The following ZNF264 variants were observed in gnomAD, a reference collection of about 807,000 sequenced individuals.
The protein encoded by ZNF264 is zinc finger protein 264.
Under a neutral mutation model 11.2 loss-of-function variants are expected in ZNF264, and 11 were observed. The ratio of observed to expected loss-of-function variants is 0.98; its 90% CI spans 0.62 to 1.63. ZNF264 has a LOEUF of 1.63. Among genes scored for constraint, ZNF264 ranks in the 40% most tolerant of loss-of-function variants. The pLI is 0.00. For missense variants in ZNF264, 752 were observed against 768.1 expected, an observed-to-expected ratio of 0.98 and a Z score of 0.25; for synonymous variants, 309 against 279.8, an observed-to-expected ratio of 1.10 and a Z score of -1.04.
rs191621757 is a variant in ZNF264, at chr19:57,202,340, G to T, written c.161-3057G>T. Among the ~76,000 whole-genome samples, 82 of 152,078 alleles carry T rather than the reference G, an allele frequency of 5.4e-4. 3 individuals are homozygous for T. The highest frequency in any genetic ancestry group is 1.9e-3 in the African/African-American group (79 of 41,334). ...CGTGAAAGAAGAGGGCATATGCTGG[G>T]CCTCATGGGGATACAGCTGGAAGCA... On this transcript the variant is annotated intron_variant, in intron 2 of 3. Coordinates refer to ENST00000263095, the MANE Select transcript of ZNF264 (RefSeq NM_003417.5).
rs200425447 is a variant in ZNF264, at chr19:57,212,548, A to T, written c.1451A>T (p.Glu484Val). ...FSIHTGEKPYECVECGKAFTR... is the reference protein window; with the variant it reads ...FSIHTGEKPYVCVECGKAFTR... Reference sequence around the variant, plus strand: ...ATCCACACTGGAGAGAAGCCCTATGAGTGCGTGGAGTGTGGAAAGGCCTTC... The same window carrying T: ...ATCCACACTGGAGAGAAGCCCTATGTGTGCGTGGAGTGTGGAAAGGCCTTC... The change falls in exon 4 of 4, where the codon GAG becomes GTG. Residue 484 changes from glutamate (E) to valine (V), a missense_variant. Coordinates refer to ENST00000263095, the MANE Select transcript of ZNF264 (RefSeq NM_003417.5). 3.5e-5 allele frequency: 57 copies of T among 1,613,980 alleles called. No homozygotes were observed. The highest frequency in any genetic ancestry group is 4.7e-5 in the Non-Finnish European group (56 of 1,180,008).
chr19:57,194,482 C>G (rs576169413), intron 2 of ZNF264, among the ~76,000 whole-genome samples: 1 of 152,154 alleles, frequency 6.6e-6, no homozygotes, highest in African/African-American at 2.4e-5. Context: ...GTAGTAATAA[C>G]TCATGATTAC....
chr19:57,209,157 G>A (rs1309669030), intron 3 of ZNF264, among the ~76,000 whole-genome samples: 2 of 151,862 alleles, frequency 1.3e-5, no homozygotes, highest in Non-Finnish European at 2.9e-5. Flanking sequence ...TCTCCAAAAG[G>A]TCTTAATTTA....
intron 2 of ZNF264, among the ~76,000 whole-genome samples, chr19:57,199,248 A>G (rs1004236598): frequency 1.3e-5 from 2 of 151,920 alleles, no homozygotes; most frequent in South Asian, 2.1e-4. Context: ...TGAAATTCCA[A>G]CTGCTGGATC....
intron 2 of ZNF264, among the ~76,000 whole-genome samples, chr19:57,199,637 C>T (rs1489129122): frequency 6.6e-6 from 1 of 151,894 alleles, no homozygotes; most frequent in Admixed American, 6.5e-5. Flanking sequence ...TTATCCCACA[C>T]CCTTAATATC....
chr19:57,195,120 A>G (rs1272506008), intron 2 of ZNF264, among the ~76,000 whole-genome samples: 2 of 152,164 alleles, frequency 1.3e-5, no homozygotes, highest in African/African-American at 2.4e-5. Context: ...ACCCATACAC[A>G]TCTCCTGAGA....
intron 3 of ZNF264, among the ~76,000 whole-genome samples, chr19:57,206,534 G>C (rs2087294458): frequency 6.6e-6 from 1 of 152,026 alleles, no homozygotes; most frequent in Non-Finnish European, 1.5e-5. Flanking sequence ...CACCGCGCCT[G>C]GCCTAGAAAT....
intron 2 of ZNF264, chr19:57,194,886 G>T: frequency 2.5e-6 from 1 of 399,712 alleles, no homozygotes; most frequent in South Asian, 1.3e-4. Flanking sequence ...TAAATTTAAC[G>T]ACTGTTACTG....
rs2087410540 is a variant in ZNF264 at position 57,220,655 on chromosome 19, T to C, written c.*7674T>C. 6.6e-6 allele frequency: 1 copy of C among 152,162 alleles called. No individual in the cohort carries two copies. The highest frequency in any genetic ancestry group is 2.4e-5 in the African/African-American group (1 of 41,440). The allele number at this position is 152,162 out of a possible 1,614,324, so 9.4% of individuals were successfully genotyped here. On this transcript the variant is annotated 3_prime_UTR_variant, in exon 4 of 4. Transcript: ENST00000263095. ...TTTATTGCAATTTTGTTGTTGTTGT[T>C]TGAGACACAGAGTCTCATACTCTGC... is the stretch of plus-strand genomic sequence containing the variant.
intron 3 of ZNF264, among the ~76,000 whole-genome samples, chr19:57,208,963 C>CTTTATATTGGTTGATTTATATTTATATAT (rs2087314487): frequency 6.6e-6 from 1 of 152,084 alleles, no homozygotes. Context: ...TTTATATTTT[C>CTTTATATTGGTTGATTTATATTTATATAT]TTCTGTGAAA....
At chr19:57,203,390 G>A (rs1222329450) in intron 2 of ZNF264, among the ~76,000 whole-genome samples, 1 of 152,116 alleles carries the variant, frequency 6.6e-6, no homozygotes, top group Non-Finnish European at 1.5e-5. Flanking sequence ...TCCCTGAGAG[G>A]AGCAGTCTCT....
intron 3 of ZNF264, among the ~76,000 whole-genome samples, chr19:57,206,329 C>T (rs746753988): frequency 1.3e-5 from 2 of 152,192 alleles, no homozygotes; most frequent in South Asian, 2.1e-4. Context: ...CTGCAAGCTC[C>T]GCCTCCCGGG....
intron 2 of ZNF264, chr19:57,194,735 G>C (rs959713348): frequency 1.0e-5 from 4 of 399,288 alleles, no homozygotes; most frequent in African/African-American, 4.1e-5. Flanking sequence ...GCCTTTCCCA[G>C]CCCACTGACT....
rs2087388903 is a variant in ZNF264, at chr19:57,217,592, T to G, written c.*4611T>G. On this transcript the variant is annotated 3_prime_UTR_variant, in exon 4 of 4. Transcript: ENST00000263095. ...ACCACGCCTGGCTAATTTTTGTATT[T>G]TTAGTAGAGACGGGGTTTCACCATC... is the stretch of plus-strand genomic sequence containing the variant. The G allele has an allele frequency of 6.6e-6, 1 of 151,976 alleles. No homozygotes were observed. Among genetic ancestry groups the G allele is most frequent in the Non-Finnish European group, 1.5e-5 (1 of 68,048 alleles). 9.4% of individuals were successfully genotyped at this position (151,976 alleles called of 1,614,324 possible).
At position 57,208,597 on chromosome 19, in the gene ZNF264, A is replaced by G. The variant is rs545343611; in HGVS notation, c.257-2757A>G. Among the ~76,000 whole-genome samples, 269 of 152,324 alleles carry G rather than the reference A, an allele frequency of 1.8e-3. 2 individuals are homozygous for G. Among genetic ancestry groups the G allele is most frequent in the African/African-American group, 6.2e-3 (258 of 41,586 alleles). On this transcript the variant is annotated intron_variant, in intron 3 of 3. Coordinates refer to ENST00000263095, the MANE Select transcript of ZNF264 (RefSeq NM_003417.5). ...GAGACCATGAACCAGAGGCAAAAAA[A>G]AATTAATAATAATTTTCTATGTTTC...
rs1328202767 is a variant in ZNF264, at chr19:57,218,071, T to G, written c.*5090T>G. ...GTCGACCTCTTTACCCATTCCATTG[T>G]TCATTCTTCTTTCTTGAAATCCCAA... On this transcript the variant is annotated 3_prime_UTR_variant, in exon 4 of 4. Transcript: ENST00000263095. The G allele has an allele frequency of 2.0e-5, 3 of 152,086 alleles. No individual in the cohort carries two copies. The highest frequency in any genetic ancestry group is 4.4e-5 in the Non-Finnish European group (3 of 68,050). The allele number at this position is 152,086 out of a possible 1,614,324, so 9.4% of individuals were successfully genotyped here.
chr19:57,197,800 G>A (rs538665841), intron 2 of ZNF264, among the ~76,000 whole-genome samples: 8 of 152,024 alleles, frequency 5.3e-5, no homozygotes, highest in Admixed American at 3.3e-4. Context: ...ATCTTGACAG[G>A]CCACACACCA....
Position 57,211,530 on chromosome 19 carries a change from G to A in ZNF264, c.433G>A (p.Asp145Asn), listed in dbSNP as rs1218266671. Residue 145 changes from aspartate to asparagine, a missense_variant, in exon 4 of 4, where the codon GAT (aspartate) becomes AAT (asparagine). Physicochemically the swap from Asp to Asn is conservative, Grantham distance 23. Coordinates refer to ENST00000263095, the MANE Select transcript of ZNF264 (RefSeq NM_003417.5). ...MQEGHFRPGI[D>N]PQEKSPGKMS... is the part of the protein sequence containing the mutation. Reference sequence around the variant, plus strand: ...GGAAGGACACTTCAGACCAGGAATAGATCCCCAGGAGAAGTCTCCTGGGAA... The same window carrying A: ...GGAAGGACACTTCAGACCAGGAATAAATCCCCAGGAGAAGTCTCCTGGGAA... The A allele has an allele frequency of 1.2e-6, 2 of 1,613,976 alleles. No individual in the cohort carries two copies. The highest frequency in any genetic ancestry group is 1.7e-6 in the Non-Finnish European group (2 of 1,180,030).
At position 57,212,223 on chromosome 19, in the gene ZNF264, T is replaced by C; in HGVS notation, c.1126T>C (p.Cys376Arg). The C allele has an allele frequency of 6.2e-6, 10 of 1,614,184 alleles. No homozygotes were observed. Among genetic ancestry groups the C allele is most frequent in the Non-Finnish European group, 8.5e-6 (10 of 1,180,032 alleles). Residue 376 changes from cysteine to arginine, a missense_variant, in exon 4 of 4, where the codon TGT (cysteine) becomes CGT (arginine). Transcript: ENST00000263095. ...GGAGAAGCCCTATGAGTGCAGTGAA[T>C]GTGGGAAGGTCTTCTTGGAGAGTGC... ...TGEKPYECSE[C>R]GKVFLESAAL...
Sources: gnomAD v4.1 joint callset for allele counts (sites outside exome capture counted in the v4.1 genomes callset) on GRCh38, gnomAD v4.1.1 for gene constraint, MANE v1.5 for transcripts, NCBI Gene and HGNC (gene_info 2026-07-23, HGNC 2026-07-21) for gene names.